ADORA2B: variants seen among roughly 807,000 people sequenced by gnomAD.
The protein encoded by ADORA2B is adenosine receptor A2b.
In ADORA2B, 18 loss-of-function variants were observed where a neutral mutation model predicts 20.8. The observed-to-expected ratio is 0.87, with a 90% CI of 0.60 to 1.29. The LOEUF is 1.29. ADORA2B is among the 50% of genes most tolerant of loss of function. ADORA2B has a pLI of 0.00. For missense variants in ADORA2B, 441 were observed against 422.7 expected, an observed-to-expected ratio of 1.04 and a Z score of -0.38; for synonymous variants, 179 against 178.3, an observed-to-expected ratio of 1.00 and a Z score of -0.03.
chr17:15,902,827 A>G, the ADORA2B span, among the ~76,000 whole-genome samples: 3 of 152,186 alleles, frequency 2.0e-5, no homozygotes, highest in Non-Finnish European at 2.9e-5. Flanking sequence ...TCAGCTTCAG[A>G]TGCACAGTAG....
chr17:15,868,574 C>T, the ADORA2B span, among the ~76,000 whole-genome samples: 2 of 132,894 alleles, frequency 1.5e-5, no homozygotes, highest in Non-Finnish European at 3.4e-5. Flanking sequence ...AGATCGAGAC[C>T]ATCCTGGCTA....
At chr17:15,898,263 G>T in the ADORA2B span, among the ~76,000 whole-genome samples, 1 of 151,966 alleles carries the variant, frequency 6.6e-6, no homozygotes, top group African/African-American at 2.4e-5. Context: ...TCTTTGGAGT[G>T]TTGTAATATT....
rs150555748 is a variant in ADORA2B at position 15,958,788 on chromosome 17, A to G, written c.335+13205A>G. 1.8e-4 allele frequency among the ~76,000 whole-genome samples: 27 copies of G among 152,258 alleles called. No individual in the cohort carries two copies. In the East Asian group the frequency reaches 4.6e-3, roughly 26 times the overall value. ...AAATGACACTCCCTCTGGGGGGCAC[A>G]CAGGGTTCTTTTGCAGCTCTCTGCA... On this transcript the variant is annotated intron_variant, in intron 1 of 1. Coordinates refer to ENST00000304222, the MANE Select transcript of ADORA2B (RefSeq NM_000676.4).
Position 15,964,897 on chromosome 17 carries a change from T to TA in ADORA2B, c.336-9777dup, listed in dbSNP as rs1180513573. ...TAACACGGTGAAACCCCGTCTCTACTAAAAATACAAAAAATTAGCCCGTGT... is the reference window on the plus strand; with the variant it reads ...TAACACGGTGAAACCCCGTCTCTACTAAAAAATACAAAAAATTAGCCCGTGT... On this transcript the variant is annotated intron_variant, in intron 1 of 1. Transcript: ENST00000304222. 4.6e-5 allele frequency among the ~76,000 whole-genome samples: 7 copies of TA among 151,836 alleles called. No homozygotes were observed. In the South Asian group the frequency reaches 6.2e-4, roughly 14 times the overall value.
chr17:15,970,104 C>G (rs533835910), intron 1 of ADORA2B, among the ~76,000 whole-genome samples: 2 of 152,230 alleles, frequency 1.3e-5, no homozygotes, highest in African/African-American at 2.4e-5. Context: ...CGGAACCCGT[C>G]GCAATTCATA....
At chr17:15,870,915 A>G in the ADORA2B span, among the ~76,000 whole-genome samples, 11 of 152,200 alleles carry the variant, frequency 7.2e-5, no homozygotes, top group Non-Finnish European at 1.2e-4. Context: ...CTTCCACTCT[A>G]TTGAGGCCTT....
the ADORA2B span, among the ~76,000 whole-genome samples, chr17:15,864,391 A>G: frequency 2.2e-4 from 33 of 152,148 alleles, no homozygotes; most frequent in African/African-American, 7.5e-4. Context: ...CCTTTGCTCA[A>G]AGTGTTACCG....
At chr17:15,898,552 G>A in the ADORA2B span, among the ~76,000 whole-genome samples, 1 of 150,534 alleles carries the variant, frequency 6.6e-6, no homozygotes, top group African/African-American at 2.4e-5. Flanking sequence ...TATTTTTAGT[G>A]GAGATGGGGT....
intron 1 of ADORA2B, among the ~76,000 whole-genome samples, chr17:15,951,794 G>GA (rs1422832490): frequency 6.6e-6 from 1 of 152,228 alleles, no homozygotes; most frequent in African/African-American, 2.4e-5. Context: ...AGGGGAGATG[G>GA]AGGTGGACTT....
At chr17:15,942,487 G>A (rs541114685), upstream of ADORA2B, among the ~76,000 whole-genome samples, 15 of 152,286 alleles carry the variant, frequency 9.8e-5, 1 homozygote, top group African/African-American at 3.4e-4. Flanking sequence ...CCCAGTCTCA[G>A]ATATTTCCCT....
intron 1 of ADORA2B, among the ~76,000 whole-genome samples, chr17:15,948,072 A>G (rs1969832962): frequency 2.6e-5 from 4 of 152,042 alleles, no homozygotes; most frequent in Admixed American, 2.0e-4. Context: ...GAAGCCAAGC[A>G]ATAAGGAGGG....
At chr17:15,973,521 G>A (rs1428280745) in intron 1 of ADORA2B, among the ~76,000 whole-genome samples, 1 of 152,200 alleles carries the variant, frequency 6.6e-6, no homozygotes, top group Non-Finnish European at 1.5e-5. Flanking sequence ...GGGCCACACA[G>A]CAGAAGGTGA....
the ADORA2B span, among the ~76,000 whole-genome samples, chr17:15,886,114 G>T: frequency 6.6e-6 from 1 of 152,158 alleles, no homozygotes; most frequent in Non-Finnish European, 1.5e-5. Flanking sequence ...TCGTCACACA[G>T]CACATCACCA....
the ADORA2B span, among the ~76,000 whole-genome samples, chr17:15,852,587 T>A: frequency 6.6e-6 from 1 of 152,128 alleles, no homozygotes; most frequent in East Asian, 1.9e-4. Context: ...ATCCAGATAT[T>A]AGACACGGAC....
the ADORA2B span, among the ~76,000 whole-genome samples, chr17:15,912,696 C>G: frequency 6.6e-6 from 1 of 152,220 alleles, no homozygotes; most frequent in East Asian, 1.9e-4. Flanking sequence ...CATGCATATG[C>G]AGGCATATGT....
At chr17:15,872,813 T>C in the ADORA2B span, among the ~76,000 whole-genome samples, 2 of 152,192 alleles carry the variant, frequency 1.3e-5, no homozygotes, top group African/African-American at 4.8e-5. Context: ...GAAGAGTCTT[T>C]AGGATTTTCT....
At chr17:15,911,716 T>C in the ADORA2B span, among the ~76,000 whole-genome samples, 1 of 152,212 alleles carries the variant, frequency 6.6e-6, no homozygotes, top group Admixed American at 6.5e-5. Flanking sequence ...ACTGCCATTT[T>C]ACTTGCCAAT....
Position 15,974,325 on chromosome 17 carries a change from CAA to C in ADORA2B, c.336-353_336-352del, listed in dbSNP as rs541405946. On this transcript the variant is annotated intron_variant, in intron 1 of 1. Coordinates refer to ENST00000304222, the MANE Select transcript of ADORA2B (RefSeq NM_000676.4). ...GCTAAACTTGATTTAACAATATAAA[CAA>C]GAGTTAACTTCCTATGACATATACT... 852 of 195,000 alleles carry C rather than the reference CAA, an allele frequency of 4.4e-3. 6 individuals carry two copies. The highest frequency in any genetic ancestry group is 0.019 in the African/African-American group (802 of 42,998). 12.1% of individuals were successfully genotyped at this position (195,000 alleles called of 1,614,324 possible). A position where few individuals can be genotyped will look rare whatever the true frequency, so the allele number is the denominator to read the frequency against.
At chr17:15,900,844 C>T in the ADORA2B span, among the ~76,000 whole-genome samples, 1 of 152,180 alleles carries the variant, frequency 6.6e-6, no homozygotes, top group Non-Finnish European at 1.5e-5. Flanking sequence ...GAAAGTGTTC[C>T]TCCTCGGCCA....
Sources: allele counts gnomAD v4.1 joint callset (sites outside exome capture counted in the v4.1 genomes callset), GRCh38; gene constraint gnomAD v4.1.1; transcripts MANE v1.5; gene names NCBI Gene and HGNC (gene_info 2026-07-23, HGNC 2026-07-21).